Variants in TPO observed in about 807,000 individuals in gnomAD.
The protein encoded by TPO is thyroid peroxidase, also known as thyroid microsomal antigen.
In TPO, 78 loss-of-function variants were observed where a neutral mutation model predicts 96.9. The observed-to-expected ratio is 0.81, with a 90% CI of 0.67 to 0.97. The LOEUF (loss-of-function observed/expected upper bound fraction) is 0.97. Among genes scored for constraint, TPO ranks in the 50% least tolerant of loss-of-function variants. The pLI is 0.00. For synonymous variants in TPO, 547 were observed against 538.0 expected (o/e 1.02, Z -0.23); for missense variants, 1,252 against 1,274.8 (o/e 0.98, Z 0.27).
intron 7 of TPO, among the ~76,000 whole-genome samples, chr2:1,470,303 T>C (rs1669274063): frequency 6.6e-6 from 1 of 152,154 alleles, no homozygotes; most frequent in Admixed American, 6.5e-5. Flanking sequence ...CAAATAACTT[T>C]GGACGTGAGC....
chr2:1,469,770 C>T (rs915036427), intron 7 of TPO, among the ~76,000 whole-genome samples: 3 of 152,168 alleles, frequency 2.0e-5, no homozygotes, highest in Non-Finnish European at 4.4e-5. Flanking sequence ...TCAGGGTGGA[C>T]GATCTCTCCC....
intron 8 of TPO, among the ~76,000 whole-genome samples, chr2:1,484,155 AT>A (rs1356843607): frequency 6.6e-6 from 1 of 152,140 alleles, no homozygotes; most frequent in East Asian, 1.9e-4. Flanking sequence ...TGCAACTGTA[AT>A]TTTCCATCGA....
At chr2:1,400,924 G>A (rs187037777) in intron 1 of TPO, among the ~76,000 whole-genome samples, 11 of 152,296 alleles carry the variant, frequency 7.2e-5, no homozygotes, top group African/African-American at 2.6e-4. Flanking sequence ...AAAAAATCCA[G>A]CAATACAAGT....
chr2:1,524,633 C>A (rs2125130048), intron 15 of TPO, among the ~76,000 whole-genome samples: 2 of 114,758 alleles, frequency 1.7e-5, no homozygotes, highest in Non-Finnish European at 1.9e-5. Context: ...TCCTCAAATC[C>A]CCCTACTGCC....
At chr2:1,531,542 T>C (rs1443149402) in intron 15 of TPO, among the ~76,000 whole-genome samples, 90 of 41,276 alleles carry the variant, frequency 2.2e-3, no homozygotes, top group African/African-American at 3.0e-3. Context: ...CTCAAATCCC[T>C]CCCACTCTGT....
In TPO at chr2:1,468,770, G is replaced by A. The variant is rs372376510; in HGVS notation, c.820-8316G>A. The stretch of plus-strand genomic sequence containing the variant: ...TCTAGGTCTCCAGCAAGGCCAGGGA[G>A]GTTTTCCTCGATTATTCCCCAAAAT... On this transcript the variant is annotated intron_variant, in intron 7 of 16. Coordinates refer to ENST00000329066, the MANE Select transcript of TPO (RefSeq NM_001206744.2). Among the ~76,000 whole-genome samples, 4 of 152,298 alleles carry A rather than the reference G, an allele frequency of 2.6e-5. No individual in the cohort carries two copies. The South Asian group carries it at 6.2e-4, about 24-fold the overall frequency.
intron 15 of TPO, among the ~76,000 whole-genome samples, chr2:1,535,590 A>AT (rs144005077): frequency 0.99 from 38,180 of 38,640 alleles, 18,869 homozygotes; most frequent in Admixed American, 0.99. Context: ...CCCACTGCGA[A>AT]GACCTCCTCA....
chr2:1,397,458 C>T (rs1662099228), intron 1 of TPO, among the ~76,000 whole-genome samples: 1 of 152,180 alleles, frequency 6.6e-6, no homozygotes. Context: ...CAGGCAAGCC[C>T]TGAAAGTTTG....
At chr2:1,521,316 G>A (rs1366143728) in intron 15 of TPO, among the ~76,000 whole-genome samples, 6 of 152,092 alleles carry the variant, frequency 3.9e-5, no homozygotes, top group African/African-American at 1.4e-4. Context: ...GTTTCTCTAG[G>A]CACGTCACGG....
chr2:1,399,961 C>T (rs971525075), intron 1 of TPO, among the ~76,000 whole-genome samples: 5 of 152,190 alleles, frequency 3.3e-5, no homozygotes, highest in Admixed American at 6.5e-5. Context: ...GGAGCTGCCA[C>T]CCATGGCCGC....
chr2:1,513,196 G>A (rs1423197607), intron 14 of TPO, among the ~76,000 whole-genome samples: 1 of 152,218 alleles, frequency 6.6e-6, no homozygotes, highest in Non-Finnish European at 1.5e-5. Context: ...TTTTCAGAAT[G>A]ACAGCGTGAA....
At chr2:1,422,358 C>CGCCGCGCTGGACAGACTTCGTGCAGGT in intron 2 of TPO, among the ~76,000 whole-genome samples, 2 of 106,044 alleles carry the variant, frequency 1.9e-5, no homozygotes, top group African/African-American at 7.5e-5. Context: ...CTCGTGCAGG[C>CGCCGCGCTGGACAGACTTCGTGCAGGT]GCCGCGCTGG....
At chr2:1,494,099 T>C (rs1672086828) in intron 11 of TPO, 60 bp downstream of exon 11, 3 of 1,552,592 alleles carry the variant, frequency 1.9e-6, no homozygotes. Context: ...TGGTCTGCGT[T>C]GGTTCTGAAG....
intron 15 of TPO, among the ~76,000 whole-genome samples, chr2:1,523,969 C>A (rs1212662032): frequency 9.5e-6 from 1 of 105,520 alleles, no homozygotes; most frequent in Non-Finnish European, 1.8e-5. Context: ...CCACTCTGTG[C>A]AACTTCCCCA....
chr2:1,506,504 T>C (rs535139912), intron 14 of TPO, among the ~76,000 whole-genome samples: 1 of 152,306 alleles, frequency 6.6e-6, no homozygotes, highest in Admixed American at 6.5e-5. Flanking sequence ...CCACCAACAG[T>C]GTAAAAGTGT....
chr2:1,494,115 C>A (rs1672087797), intron 11 of TPO, 76 bp downstream of exon 11: 1 of 1,414,788 alleles, frequency 7.1e-7, no homozygotes, highest in Non-Finnish European at 1.0e-6. Flanking sequence ...TGAAGCCAGC[C>A]AGACCTGCAT....
At chr2:1,392,329 G>A (rs373843140) in intron 1 of TPO, among the ~76,000 whole-genome samples, 2 of 152,102 alleles carry the variant, frequency 1.3e-5, no homozygotes, top group Non-Finnish European at 1.5e-5. Context: ...TATGTTGAAC[G>A]AGCCTTGCAT....
At chr2:1,498,635 G>A (rs556422940) in intron 13 of TPO, among the ~76,000 whole-genome samples, 2 of 152,194 alleles carry the variant, frequency 1.3e-5, no homozygotes, top group South Asian at 4.1e-4. Context: ...AGATCACCCA[G>A]AGATTACAGT....
chr2:1,414,360 C>T (rs1662665006), intron 1 of TPO, 48 bp from the exon 2 acceptor site: 1 of 1,565,892 alleles, frequency 6.4e-7, no homozygotes, highest in Non-Finnish European at 8.7e-7. Context: ...GTTCCCATGG[C>T]CTTGTCAGTG....
Sources: gnomAD v4.1 joint callset for allele counts (sites outside exome capture counted in the v4.1 genomes callset) on GRCh38, gnomAD v4.1.1 for gene constraint, MANE v1.5 for transcripts, NCBI Gene and HGNC (gene_info 2026-07-23, HGNC 2026-07-21) for gene names.